PHF14: variants seen among roughly 807,000 people sequenced by gnomAD.
PHF14 encodes PHD finger protein 14.
PHF14 carries 55 observed loss-of-function variants against 117.9 expected under a neutral mutation model. The ratio of observed to expected loss-of-function variants is 0.47; its 90% CI spans 0.38 to 0.58. PHF14 has a LOEUF of 0.58. PHF14 is among the 20% of genes least tolerant of loss of function. PHF14 has a pLI of 0.00. For missense variants in PHF14, 978 were observed against 1,122.2 expected, an observed-to-expected ratio of 0.87 and a Z score of 1.84; for synonymous variants, 409 against 368.6, an observed-to-expected ratio of 1.11 and a Z score of -1.26.
At chr7:11,083,292 C>T (rs1201596694) in intron 16 of PHF14, among the ~76,000 whole-genome samples, 1 of 152,030 alleles carries the variant, frequency 6.6e-6, no homozygotes, top group Non-Finnish European at 1.5e-5. Flanking sequence ...AGACTCCAAG[C>T]TTTATTTCTG....
Position 11,006,603 on chromosome 7 carries a change from A to G in PHF14, c.1046-7144A>G, listed in dbSNP as rs140801809. The G allele has an allele frequency of 6.2e-3, 3,799 of 609,830 alleles. 112 individuals carry two copies. The highest frequency in any genetic ancestry group is 0.053 in the Admixed American group (2,876 of 54,134). 37.8% of individuals were successfully genotyped at this position (609,830 alleles called of 1,614,324 possible). On this transcript the variant is annotated intron_variant, in intron 4 of 17. Transcript: ENST00000634607. ...GAACACAAGCATGTTGTTGTCTTCT[A>G]TCTTCTTCATGGCAGACTCAGTGGT...
chr7:11,164,153 A>G (rs1012479542), intron 17 of PHF14, among the ~76,000 whole-genome samples: 4 of 152,150 alleles, frequency 2.6e-5, no homozygotes, highest in African/African-American at 4.8e-5. Context: ...GTCTCCCTTC[A>G]TTTTACTGTT....
intron 17 of PHF14, among the ~76,000 whole-genome samples, chr7:11,121,343 A>G (rs1396916866): frequency 6.6e-6 from 1 of 152,212 alleles, no homozygotes; most frequent in Admixed American, 6.5e-5. Context: ...AATATGCCTT[A>G]CAGCATTTAT....
chr7:11,102,961 G>C, intron 16 of PHF14: 2 of 1,014,096 alleles, frequency 2.0e-6, no homozygotes, highest in Non-Finnish European at 2.4e-6. Flanking sequence ...GCTACTCCCT[G>C]TTGTGATTGA....
At chr7:11,105,831 A>C in intron 16 of PHF14, 1 of 984,758 alleles carries the variant, frequency 1.0e-6, no homozygotes, top group Non-Finnish European at 1.2e-6. Context: ...CTTTGTAAAT[A>C]AAATGAGATT....
At chr7:11,047,113 G>A (rs1056239946) in intron 13 of PHF14, among the ~76,000 whole-genome samples, 1 of 151,086 alleles carries the variant, frequency 6.6e-6, no homozygotes, top group Non-Finnish European at 1.5e-5. Context: ...CTGTCACCCA[G>A]GCTGGGGTGC....
intron 16 of PHF14, among the ~76,000 whole-genome samples, chr7:11,083,485 T>TTTG (rs1379005680): frequency 6.7e-6 from 1 of 149,920 alleles, no homozygotes; most frequent in African/African-American, 2.5e-5. Context: ...TTTTTTTTTT[T>TTTG]GATACAGAGC....
chr7:11,082,392 G>A (rs940347133), intron 16 of PHF14, among the ~76,000 whole-genome samples: 1 of 152,180 alleles, frequency 6.6e-6, no homozygotes, highest in South Asian at 2.1e-4. Flanking sequence ...AAACCATTAT[G>A]GAAAGGCATG....
At chr7:11,033,068 A>G (rs918720852) in intron 7 of PHF14, among the ~76,000 whole-genome samples, 1 of 152,188 alleles carries the variant, frequency 6.6e-6, no homozygotes. Context: ...GCATGTGCTT[A>G]TTTCATGGTA....
chr7:11,014,834 T>C (rs777595156), intron 5 of PHF14: 3 of 152,008 alleles, frequency 2.0e-5, no homozygotes, highest in Non-Finnish European at 4.4e-5. Context: ...TTCACACTCA[T>C]GTTTGTTAAC....
At chr7:11,106,294 T>C (rs904342985) in intron 16 of PHF14, 1 of 973,772 alleles carries the variant, frequency 1.0e-6, no homozygotes, top group Non-Finnish European at 1.2e-6. Flanking sequence ...TATTTTTGTC[T>C]TTCTTACTAC....
At chr7:10,997,292 T>C (rs550324395) in intron 4 of PHF14, among the ~76,000 whole-genome samples, 40 of 152,298 alleles carry the variant, frequency 2.6e-4, no homozygotes, top group Middle Eastern at 3.4e-3. Context: ...CATCTTGACC[T>C]GAGAGAGTTC....
intron 13 of PHF14, among the ~76,000 whole-genome samples, chr7:11,051,141 A>G (rs1035069818): frequency 2.0e-5 from 3 of 152,066 alleles, no homozygotes; most frequent in East Asian, 3.9e-4. Flanking sequence ...CCTGGGCTCA[A>G]GTGACTCTTT....
chr7:11,154,693 G>T (rs1434882009), intron 17 of PHF14, among the ~76,000 whole-genome samples: 3 of 152,122 alleles, frequency 2.0e-5, no homozygotes, highest in Non-Finnish European at 4.4e-5. Flanking sequence ...GCAGACTATA[G>T]AGTAACTCTG....
Position 11,062,014 on chromosome 7 carries a change from G to T in PHF14, c.2583G>T (p.Lys861Asn). ...AAAGACAGTCTGTGTTGCAAAAGAA[G>T]CCCAAGGCTGAAGATTTAAGAACTG... ...RRQRQSVLQK[K>N]PKAEDLRTEC... Residue 861 changes from lysine to asparagine, a missense_variant, in exon 16 of 18, where the codon AAG becomes AAT. Lys to Asn is a moderately conservative substitution (Grantham distance 94, BLOSUM62 0). This residue lies in a region of PHF14 where 180 missense variants were observed against 195.4 expected (regional missense o/e 0.92). Transcript: ENST00000634607. 1 of 1,605,646 alleles carries T rather than the reference G, an allele frequency of 6.2e-7. No homozygotes were observed. The highest frequency in any genetic ancestry group is 2.2e-5 in the East Asian group (1 of 44,670).
In PHF14 at chr7:11,098,461, T is replaced by C. The variant is rs113848229; in HGVS notation, c.2655-12889T>C. On this transcript the variant is annotated intron_variant, in intron 16 of 17. Transcript: ENST00000634607. Reference sequence around the variant, plus strand: ...CCCTTGGATCCCTCTCTGTCTGCCTTGCCTCTCCTCATTTTTATTGCTAGT... The same window carrying C: ...CCCTTGGATCCCTCTCTGTCTGCCTCGCCTCTCCTCATTTTTATTGCTAGT... Among the ~76,000 whole-genome samples the C allele has an allele frequency of 1.8e-3, 277 of 152,276 alleles. 5 individuals are homozygous for C. The highest frequency in any genetic ancestry group is 6.3e-3 in the African/African-American group (260 of 41,550).
Position 11,127,113 on chromosome 7 carries a change from C to T in PHF14, c.2772+15646C>T, listed in dbSNP as rs546839047. Among the ~76,000 whole-genome samples, 11 of 151,832 alleles carry T rather than the reference C, an allele frequency of 7.2e-5. No homozygotes were observed. The South Asian group carries it at 2.3e-3, about 32-fold the overall frequency. ...CCAGTTACCTTTAGGTATTAATAGT[C>T]TTTTTTTTAAATATCAAAGTCCAGT... is the stretch of plus-strand genomic sequence containing the variant. On this transcript the variant is annotated intron_variant, in intron 17 of 17. Coordinates refer to ENST00000634607, the MANE Select transcript of PHF14 (RefSeq NM_001007157.2).
intron 3 of PHF14, among the ~76,000 whole-genome samples, chr7:10,984,013 G>C (rs754939497): frequency 2.6e-5 from 4 of 152,074 alleles, no homozygotes; most frequent in East Asian, 3.9e-4. Context: ...AGATGTATCT[G>C]TTACATCACA....
At chr7:11,135,824 G>T (rs1413105758) in intron 17 of PHF14, among the ~76,000 whole-genome samples, 1 of 152,058 alleles carries the variant, frequency 6.6e-6, no homozygotes, top group Admixed American at 6.6e-5. Context: ...TGTAATATAC[G>T]GAAGGCTTTT....
Sources: allele counts gnomAD v4.1 joint callset (sites outside exome capture counted in the v4.1 genomes callset), GRCh38; gene constraint gnomAD v4.1.1; regional missense constraint gnomAD v4.1.1; transcripts MANE v1.5; gene names NCBI Gene and HGNC (gene_info 2026-07-23, HGNC 2026-07-21).